Variants in FBXL17 observed in about 807,000 individuals in gnomAD.
The protein encoded by FBXL17 is F-box/LRR-repeat protein 17.
FBXL17 carries 22 observed loss-of-function variants against 66.2 expected under a neutral mutation model. The ratio of observed to expected loss-of-function variants is 0.33; its 90% CI spans 0.24 to 0.47. FBXL17 has a LOEUF of 0.47. FBXL17 is among the 20% of genes least tolerant of loss of function. The pLI, the probability that FBXL17 is intolerant of heterozygous loss-of-function variation, is 1.00. For synonymous variants in FBXL17, 474 were observed against 400.5 expected (o/e 1.18, Z -2.19); for missense variants, 878 against 948.2 (o/e 0.93, Z 0.97).
At chr5:108,136,694 A>G (rs902834108) in intron 6 of FBXL17, among the ~76,000 whole-genome samples, 1 of 152,194 alleles carries the variant, frequency 6.6e-6, no homozygotes, top group Non-Finnish European at 1.5e-5. Context: ...CACTGTGGAT[A>G]AAGCCCAACT....
At chr5:107,935,474 G>A (rs922652504) in intron 7 of FBXL17, among the ~76,000 whole-genome samples, 5 of 151,216 alleles carry the variant, frequency 3.3e-5, no homozygotes, top group Non-Finnish European at 4.4e-5. Context: ...TGTGTTTAAC[G>A]TCTTTTAAAA....
intron 6 of FBXL17, among the ~76,000 whole-genome samples, chr5:108,029,274 A>C (rs1027536857): frequency 1.3e-5 from 2 of 152,144 alleles, no homozygotes; most frequent in Admixed American, 6.6e-5. Context: ...GGGAGCAGAA[A>C]AAGTGTAGGC....
chr5:107,861,584 A>C lies in FBXL17; in HGVS notation c.*136T>G. On this transcript the variant is annotated 3_prime_UTR_variant, in exon 9 of 9. Transcript: ENST00000542267. Reference sequence around the variant, plus strand: ...TGCACTTTTGGTATGCAGTATGCAAACAAGACACAAATACACATACTTGAA... The same window carrying C: ...TGCACTTTTGGTATGCAGTATGCAACCAAGACACAAATACACATACTTGAA... 1.3e-6 allele frequency: 1 copy of C among 792,000 alleles called. No individual in the cohort carries two copies. 49.1% of individuals were successfully genotyped at this position (792,000 alleles called of 1,614,324 possible).
chr5:107,945,941 T>C (rs1004856754), intron 7 of FBXL17, among the ~76,000 whole-genome samples: 2 of 152,106 alleles, frequency 1.3e-5, no homozygotes, highest in Admixed American at 6.6e-5. Context: ...GGAAGTTGTA[T>C]AGAGCATGTA....
chr5:108,363,520 G>A (rs778678739), intron 3 of FBXL17, among the ~76,000 whole-genome samples: 17 of 151,866 alleles, frequency 1.1e-4, no homozygotes, highest in Non-Finnish European at 1.8e-4. Flanking sequence ...ATAAATATCC[G>A]AAGGAAACAT....
chr5:108,116,282 C>A (rs286811), intron 6 of FBXL17, among the ~76,000 whole-genome samples: 112,264 of 151,946 alleles, frequency 0.74, 41,685 homozygotes, highest in East Asian at 0.92. Flanking sequence ...TAGGTAGTTA[C>A]GAGGTTAATA....
At chr5:108,112,133 C>T (rs904427828) in intron 6 of FBXL17, among the ~76,000 whole-genome samples, 1 of 152,074 alleles carries the variant, frequency 6.6e-6, no homozygotes, top group Non-Finnish European at 1.5e-5. Context: ...GGGAAGAGTG[C>T]CAGAAAGGAG....
chr5:108,084,412 G>A (rs1748897311), intron 6 of FBXL17, among the ~76,000 whole-genome samples: 1 of 152,186 alleles, frequency 6.6e-6, no homozygotes, highest in Non-Finnish European at 1.5e-5. Context: ...GGTATGAAAC[G>A]GGGCTAGGAG....
At chr5:108,022,524 C>T (rs1434084979) in intron 6 of FBXL17, among the ~76,000 whole-genome samples, 1 of 151,888 alleles carries the variant, frequency 6.6e-6, no homozygotes, top group Non-Finnish European at 1.5e-5. Context: ...ATCAAATATA[C>T]ATATCTCACT....
intron 8 of FBXL17, chr5:107,878,196 GA>G: frequency 4.2e-6 from 4 of 942,336 alleles, no homozygotes; most frequent in Non-Finnish European, 5.1e-6. Context: ...TTTAGGTGAG[GA>G]AAAAGCACAA....
At chr5:108,006,375 T>C (rs1396492043) in intron 7 of FBXL17, among the ~76,000 whole-genome samples, 3 of 152,142 alleles carry the variant, frequency 2.0e-5, no homozygotes, top group Non-Finnish European at 4.4e-5. Context: ...ATTTTGAGGA[T>C]AGAGTTGACC....
At chr5:108,033,421 T>C (rs1418885894) in intron 6 of FBXL17, among the ~76,000 whole-genome samples, 1 of 152,170 alleles carries the variant, frequency 6.6e-6, no homozygotes, top group Non-Finnish European at 1.5e-5. Flanking sequence ...TTTTGACAAA[T>C]GCATATATAT....
At chr5:107,871,069 A>AAAAAAAAAAAAAAAAAC (rs1456052737) in intron 8 of FBXL17, among the ~76,000 whole-genome samples, 10 of 130,230 alleles carry the variant, frequency 7.7e-5, no homozygotes, top group East Asian at 2.1e-4. Flanking sequence ...AAAAAAAAAA[A>AAAAAAAAAAAAAAAAAC]AAAAAAAAAA....
intron 4 of FBXL17, among the ~76,000 whole-genome samples, chr5:108,260,980 A>G (rs1226233492): frequency 6.6e-6 from 1 of 152,200 alleles, no homozygotes; most frequent in African/African-American, 2.4e-5. Context: ...AATAAACATG[A>G]TATAGCTAAG....
chr5:108,162,512 A>C (rs1386311375), intron 6 of FBXL17, among the ~76,000 whole-genome samples: 1 of 152,186 alleles, frequency 6.6e-6, no homozygotes, highest in Non-Finnish European at 1.5e-5. Flanking sequence ...AAACAAACAT[A>C]CAAAAATCTG....
At chr5:108,146,708 A>G (rs531116047) in intron 6 of FBXL17, among the ~76,000 whole-genome samples, 41 of 152,260 alleles carry the variant, frequency 2.7e-4, no homozygotes, top group Non-Finnish European at 5.1e-4. Flanking sequence ...TATCTAAACT[A>G]TCTCCACACA....
chr5:107,991,488 A>G (rs1436531286), intron 7 of FBXL17, among the ~76,000 whole-genome samples: 1 of 152,194 alleles, frequency 6.6e-6, no homozygotes, highest in African/African-American at 2.4e-5. Context: ...GGATTTCTCT[A>G]CTGCTTTCAC....
chr5:108,298,828 T>C (rs1758457231), intron 4 of FBXL17: 1 of 893,848 alleles, frequency 1.1e-6, no homozygotes, highest in Non-Finnish European at 1.3e-6. Context: ...AAACAAAAAA[T>C]AAAAACCTAA....
At chr5:108,269,352 T>G (rs1007844716) in intron 4 of FBXL17, among the ~76,000 whole-genome samples, 1 of 152,054 alleles carries the variant, frequency 6.6e-6, no homozygotes, top group African/African-American at 2.4e-5. Flanking sequence ...AAGCGTTCAA[T>G]CTTTAGTTTT....
Sources: allele counts gnomAD v4.1 joint callset (sites outside exome capture counted in the v4.1 genomes callset), GRCh38; gene constraint gnomAD v4.1.1; transcripts MANE v1.5; gene names NCBI Gene and HGNC (gene_info 2026-07-23, HGNC 2026-07-21).